ARHGAP17: variants seen among roughly 807,000 people sequenced by gnomAD.
ARHGAP17 encodes the protein rho GTPase-activating protein 17.
A neutral mutation model predicts 99.5 loss-of-function variants in ARHGAP17; 57 were observed. The observed-to-expected ratio is 0.57, with a 90% confidence interval of 0.46 to 0.71. The LOEUF is 0.71. ARHGAP17 is among the 30% of genes least tolerant of loss of function. The pLI is 0.00. For missense variants in ARHGAP17, 1,000 were observed against 1,122.4 expected (o/e 0.89, Z 1.56); for synonymous variants, 417 against 429.6 (o/e 0.97, Z 0.36).
At chr16:25,009,577 G>A (rs950832408) in intron 1 of ARHGAP17, among the ~76,000 whole-genome samples, 2 of 152,174 alleles carry the variant, frequency 1.3e-5, no homozygotes, top group African/African-American at 4.8e-5. Context: ...GGATCAGTAG[G>A]TAGAGACACA....
chr16:24,983,780 C>T lies in ARHGAP17; in HGVS notation c.54-4775G>A, dbSNP rs183688464. 2.0e-5 allele frequency among the ~76,000 whole-genome samples: 3 copies of T among 152,306 alleles called. No homozygotes were observed. In the East Asian group the frequency reaches 5.8e-4, roughly 29 times the overall value. ...AAGGAACTTCCCACTCGCCATTTTA[C>T]TCTGGGGTTTGTTTTTTCCTATGAA... On this transcript the variant is annotated intron_variant, in intron 1 of 19. Coordinates refer to ENST00000289968, the MANE Select transcript of ARHGAP17 (RefSeq NM_001006634.3).
At chr16:24,992,269 G>C (rs562584191) in intron 1 of ARHGAP17, among the ~76,000 whole-genome samples, 1 of 152,316 alleles carries the variant, frequency 6.6e-6, no homozygotes. Context: ...ATCTAGACGA[G>C]AGACAAGAAC....
Position 24,991,187 on chromosome 16 carries a change from T to C in ARHGAP17, c.54-12182A>G, listed in dbSNP as rs984053092. On this transcript the variant is annotated intron_variant, in intron 1 of 19. Transcript: ENST00000289968. ...AGGCTAGACGTTCACATGTGCACCT[T>C]ACTAAGAAACATTTCCTCCACTGTG... Among the ~76,000 whole-genome samples the C allele has an allele frequency of 3.9e-5, 6 of 152,264 alleles. No individual in the cohort carries two copies. The East Asian group carries it at 9.6e-4, about 24-fold the overall frequency.
chr16:24,948,268 A>T (rs1373043262), intron 13 of ARHGAP17, among the ~76,000 whole-genome samples: 5 of 152,182 alleles, frequency 3.3e-5, no homozygotes, highest in Non-Finnish European at 1.5e-5. Context: ...TTGGTTTTTT[A>T]AAAAGGGGGT....
At chr16:24,936,652 G>A (rs2051147920) in intron 17 of ARHGAP17, 1 of 151,064 alleles carries the variant, frequency 6.6e-6, no homozygotes, top group Admixed American at 6.6e-5. Context: ...GTTGCCGTGA[G>A]TCAAGATCAT....
intron 1 of ARHGAP17, among the ~76,000 whole-genome samples, chr16:25,003,399 T>C (rs573982301): frequency 4.6e-5 from 7 of 151,926 alleles, no homozygotes; most frequent in Non-Finnish European, 7.4e-5. Context: ...AATGCCTGGC[T>C]AATTTTGGCA....
At chr16:24,961,165 T>C (rs1014135608) in intron 7 of ARHGAP17, among the ~76,000 whole-genome samples, 1 of 149,842 alleles carries the variant, frequency 6.7e-6, no homozygotes, top group Non-Finnish European at 1.5e-5. Context: ...CACTCAGCAA[T>C]GTCATATTGT....
intron 18 of ARHGAP17, among the ~76,000 whole-genome samples, chr16:24,932,136 G>T (rs1418868401): frequency 1.3e-5 from 2 of 151,636 alleles, no homozygotes; most frequent in Non-Finnish European, 1.5e-5. Context: ...TGGGGGGGAT[G>T]GGGGGACTAG....
At chr16:25,010,956 C>A (rs1272483118) in intron 1 of ARHGAP17, among the ~76,000 whole-genome samples, 1 of 152,232 alleles carries the variant, frequency 6.6e-6, no homozygotes, top group Non-Finnish European at 1.5e-5. Context: ...GGGAAGAAAT[C>A]AACACCCAAG....
rs540145209 is a variant in ARHGAP17, at chr16:24,968,758, G to A, written c.287C>T (p.Thr96Met). ...CAGCTGATTCTCAGCATCTCCACAC[G>A]TCTCCAGCATCTTCCTTTAAAAACA... is the stretch of plus-strand genomic sequence containing the variant. ...EDSLLGKMLETCGDAENQLAL... is the reference protein window; with the variant it reads ...EDSLLGKMLEMCGDAENQLAL... Residue 96 changes from threonine to methionine, a missense_variant, in exon 5 of 20, where the codon ACG becomes ATG. Thr to Met is a moderately conservative substitution (Grantham distance 81, BLOSUM62 -1). Coordinates refer to ENST00000289968, the MANE Select transcript of ARHGAP17 (RefSeq NM_001006634.3). The A allele has an allele frequency of 1.4e-5, 22 of 1,614,148 alleles. No homozygotes were observed. Among genetic ancestry groups the A allele is most frequent in the East Asian group, 2.2e-5 (1 of 44,884 alleles).
chr16:24,980,208 A>C (rs2141366018), intron 1 of ARHGAP17, among the ~76,000 whole-genome samples: 1 of 152,332 alleles, frequency 6.6e-6, no homozygotes, highest in South Asian at 2.1e-4. Flanking sequence ...AATGCTGCTA[A>C]GCTCAGAGTA....
intron 19 of ARHGAP17, 116 bp from the exon 20 acceptor site, chr16:24,920,376 A>C (rs1031482544): frequency 7.5e-7 from 1 of 1,336,932 alleles, no homozygotes; most frequent in African/African-American, 1.5e-5. Flanking sequence ...CCATGCACAC[A>C]GGGTCCCTTG....
intron 19 of ARHGAP17, among the ~76,000 whole-genome samples, chr16:24,921,361 C>T (rs1376783630): frequency 1.3e-5 from 2 of 152,176 alleles, no homozygotes; most frequent in Non-Finnish European, 2.9e-5. Flanking sequence ...TAGAGGTAGC[C>T]ATGGCAGGCA....
chr16:24,930,946 C>G lies in ARHGAP17; in HGVS notation c.2353G>C (p.Glu785Gln), dbSNP rs763233445. ...GTTCCAGCATGTGGCTGTGCAGTTT[C>G]AGGGTTACCCCCTGCCAGGGTCTGA... ...APQTLAGGNP[E>Q]TAQPHAGTLP... Residue 785 changes from glutamate (E) to glutamine (Q), a missense_variant, in exon 19 of 20, where the codon GAA (glutamate) becomes CAA (glutamine). By Grantham distance (29) the Glu-to-Gln change is conservative (BLOSUM62 2). Around this residue, in one of 2 missense-constraint regions of ARHGAP17, gnomAD observed 528 missense variants for 511.4 expected, o/e 1.03. Coordinates refer to ENST00000289968, the MANE Select transcript of ARHGAP17 (RefSeq NM_001006634.3). 1 of 1,613,734 alleles carries G rather than the reference C, an allele frequency of 6.2e-7. No individual in the cohort carries two copies. Among genetic ancestry groups the G allele is most frequent in the South Asian group, 1.1e-5 (1 of 91,062 alleles).
At chr16:24,961,715 G>A (rs1045347691) in intron 7 of ARHGAP17, among the ~76,000 whole-genome samples, 2 of 150,348 alleles carry the variant, frequency 1.3e-5, no homozygotes, top group Non-Finnish European at 3.0e-5. Flanking sequence ...CTGTTTTTTA[G>A]TAGAGATGGA....
chr16:24,977,536 C>A, intron 2 of ARHGAP17: 1 of 367,618 alleles, frequency 2.7e-6, no homozygotes, highest in South Asian at 1.1e-4. Flanking sequence ...ATGATCCGGG[C>A]CCAGACCCAC....
chr16:24,992,031 TAAGTCAGGCA>T (rs1257098359), intron 1 of ARHGAP17, among the ~76,000 whole-genome samples: 1 of 152,168 alleles, frequency 6.6e-6, no homozygotes, highest in African/African-American at 2.4e-5. Context: ...GGACCTCAGA[TAAGTCAGGCA>T]TGGGGAGAAA....
At chr16:24,938,773 G>GA (rs111587139) in intron 17 of ARHGAP17, among the ~76,000 whole-genome samples, 7,791 of 81,140 alleles carry the variant, frequency 0.096, 322 homozygotes, top group Non-Finnish European at 0.16. Flanking sequence ...CGCAGTCTCA[G>GA]AAAAAAAAAA....
intron 1 of ARHGAP17, 60 bp from the exon 2 acceptor site, chr16:24,979,065 A>C: frequency 8.1e-7 from 1 of 1,227,180 alleles, no homozygotes; most frequent in Non-Finnish European, 1.2e-6. Flanking sequence ...AACTCCTAAA[A>C]TTTAATAATT....
Sources: gnomAD v4.1 joint callset for allele counts (sites outside exome capture counted in the v4.1 genomes callset) on GRCh38, gnomAD v4.1.1 for gene constraint, gnomAD v4.1.1 regional missense constraint, MANE v1.5 for transcripts, NCBI Gene and HGNC (gene_info 2026-07-23, HGNC 2026-07-21) for gene names.